Variants in PHLDB2 observed in about 807,000 individuals in gnomAD.
PHLDB2 encodes pleckstrin homology-like domain family B member 2.
Under a neutral mutation model 123.6 loss-of-function variants are expected in PHLDB2, and 71 were observed. The ratio of observed to expected loss-of-function variants is 0.57; its 90% CI spans 0.47 to 0.70. The LOEUF (loss-of-function observed/expected upper bound fraction) is 0.70, where lower values mean the gene tolerates loss of function less well. Ranked by LOEUF, PHLDB2 falls within the 30% of genes least tolerant of loss-of-function variation. The pLI is 0.00. For synonymous variants in PHLDB2, 547 were observed against 541.6 expected, an observed-to-expected ratio of 1.01 and a Z score of -0.14; for missense variants, 1,446 against 1,519.5, an observed-to-expected ratio of 0.95 and a Z score of 0.80.
intron 1 of PHLDB2, among the ~76,000 whole-genome samples, chr3:111,798,630 A>T (rs946570852): frequency 6.6e-6 from 1 of 151,648 alleles, no homozygotes; most frequent in Non-Finnish European, 1.5e-5. Flanking sequence ...GTGAGCTATG[A>T]TCATGCCACT....
intron 9 of PHLDB2, chr3:111,945,565 GTGTGTA>G (rs1215876623): frequency 5.3e-6 from 3 of 566,556 alleles, no homozygotes; most frequent in Non-Finnish European, 9.4e-6. Flanking sequence ...CACATTGTGT[GTGTGTA>G]TGTGTATGTG....
At chr3:111,844,431 C>T (rs564324747) in intron 1 of PHLDB2, among the ~76,000 whole-genome samples, 2 of 152,270 alleles carry the variant, frequency 1.3e-5, no homozygotes, top group East Asian at 1.9e-4. Flanking sequence ...CACCATCATC[C>T]GTCACTTACC....
chr3:111,852,501 C>T lies in PHLDB2; in HGVS notation c.67+6566C>T. 1.3e-5 allele frequency among the ~76,000 whole-genome samples: 2 copies of T among 151,082 alleles called. 1 individual carries two copies. The highest frequency in any genetic ancestry group is 1.3e-4 in the Admixed American group (2 of 15,162). ...AAATTGAAATCAAGGTATGGTATAA[C>T]TGGAGGGATGATGAAAGTCAGATGA... On this transcript the variant is annotated intron_variant, in intron 2 of 17. Coordinates refer to the PHLDB2 transcript ENST00000393923.
At position 111,903,563 on chromosome 3, in the gene PHLDB2, C is replaced by T. The variant is rs137894221; in HGVS notation, c.1336-9756C>T. Among the ~76,000 whole-genome samples the T allele has an allele frequency of 2.6e-3, 395 of 152,238 alleles. 4 individuals carry two copies. Among genetic ancestry groups the T allele is most frequent in the African/African-American group, 8.7e-3 (360 of 41,556 alleles). The stretch of plus-strand genomic sequence containing the variant: ...TTTGGCTGCATAACAACGTATTTTT[C>T]CTGTATTTCCTTTCCCTGAAAATAA... On this transcript the variant is annotated intron_variant, in intron 2 of 17. Coordinates refer to ENST00000431670, the MANE Select transcript of PHLDB2 (RefSeq NM_001134438.2).
intron 1 of PHLDB2, among the ~76,000 whole-genome samples, chr3:111,873,134 G>A (rs2065428047): frequency 6.6e-6 from 1 of 152,122 alleles, no homozygotes; most frequent in Non-Finnish European, 1.5e-5. Flanking sequence ...CTAAGATGTG[G>A]TTTATTATTT....
In PHLDB2 at chr3:111,975,101, A is replaced by T. The variant is rs775466239; in HGVS notation, c.*538A>T. On this transcript the variant is annotated 3_prime_UTR_variant, in exon 18 of 18. Coordinates refer to ENST00000431670, the MANE Select transcript of PHLDB2 (RefSeq NM_001134438.2). ...GTACTGCACCAAAACCAAAGAGCTG[A>T]CCTGACTTCTGTGGAACAGTAGTAA... 1 of 152,640 alleles carries T rather than the reference A, an allele frequency of 6.6e-6. No homozygotes were observed. Among genetic ancestry groups the T allele is most frequent in the African/African-American group, 2.4e-5 (1 of 41,456 alleles). 9.5% of individuals were successfully genotyped at this position (152,640 alleles called of 1,614,324 possible).
chr3:111,879,056 G>C (rs1044015404), intron 1 of PHLDB2, among the ~76,000 whole-genome samples: 4 of 152,172 alleles, frequency 2.6e-5, no homozygotes, highest in African/African-American at 9.7e-5. Context: ...TCAGGATGAT[G>C]CTGGCCTCAT....
chr3:111,911,829 C>T (rs965461423), intron 2 of PHLDB2: 4 of 861,238 alleles, frequency 4.6e-6, no homozygotes, highest in Non-Finnish European at 5.6e-6. Context: ...AAGTCAGATA[C>T]ACCTTAAATA....
At chr3:111,935,881 A>G (rs1559911409) in intron 6 of PHLDB2, among the ~76,000 whole-genome samples, 1 of 152,178 alleles carries the variant, frequency 6.6e-6, no homozygotes. Flanking sequence ...ATCCTCCCAG[A>G]CACACCCAGG....
Position 111,889,960 on chromosome 3 carries a change from T to C in PHLDB2, c.1335+4548T>C, listed in dbSNP as rs554305237. ...TATGGCTTAAGTCCTACAGCTCCAA[T>C]TACAGATCAAAAGTGAACACTAGAA... On this transcript the variant is annotated intron_variant, in intron 2 of 17. Transcript: ENST00000431670. 1.9e-3 allele frequency among the ~76,000 whole-genome samples: 286 copies of C among 152,282 alleles called. 1 individual carries two copies. Among genetic ancestry groups the C allele is most frequent in the African/African-American group, 6.4e-3 (268 of 41,570 alleles).
At chr3:111,898,182 TTGTG>T (rs58183787) in intron 2 of PHLDB2, among the ~76,000 whole-genome samples, 6 of 142,552 alleles carry the variant, frequency 4.2e-5, no homozygotes, top group African/African-American at 8.1e-5. Flanking sequence ...GTGTGTGTGT[TTGTG>T]TGTGTGTGTG....
At chr3:111,764,916 G>A (rs1354192427) in intron 1 of PHLDB2, among the ~76,000 whole-genome samples, 1 of 152,200 alleles carries the variant, frequency 6.6e-6, no homozygotes, top group Non-Finnish European at 1.5e-5. Flanking sequence ...TACTTGCTGA[G>A]TGAGAACTTG....
chr3:111,885,471 C>A (rs772308395), intron 2 of PHLDB2, 59 bp downstream of exon 2: 1 of 1,607,514 alleles, frequency 6.2e-7, no homozygotes, highest in Non-Finnish European at 8.5e-7. Context: ...ATCTACAGGG[C>A]AGCCTTGGAG....
At chr3:111,842,277 A>AT (rs999689995) in intron 1 of PHLDB2, among the ~76,000 whole-genome samples, 2 of 152,032 alleles carry the variant, frequency 1.3e-5, no homozygotes, top group Non-Finnish European at 2.9e-5. Flanking sequence ...TTTAAAGACT[A>AT]TTTTTTGGTT....
chr3:111,973,834 T>A lies in PHLDB2; in HGVS notation c.3621+17T>A, dbSNP rs768069932. ...GCTAATAAGGTAAACATCAGTTTTCTAAATTCCTACAATTTGAATGCATAA... is the reference window on the plus strand; with the variant it reads ...GCTAATAAGGTAAACATCAGTTTTCAAAATTCCTACAATTTGAATGCATAA... On this transcript the variant is annotated intron_variant, in intron 17 of 17. Coordinates refer to ENST00000431670, the MANE Select transcript of PHLDB2 (RefSeq NM_001134438.2). The A allele has an allele frequency of 1.4e-6, 2 of 1,474,874 alleles. No individual in the cohort carries two copies. Among genetic ancestry groups the A allele is most frequent in the South Asian group, 2.5e-5 (2 of 81,378 alleles). 91.4% of individuals were successfully genotyped at this position (1,474,874 alleles called of 1,614,324 possible).
chr3:111,735,233 C>T (rs1434170333), intron 1 of PHLDB2, among the ~76,000 whole-genome samples: 1 of 152,134 alleles, frequency 6.6e-6, no homozygotes, highest in Non-Finnish European at 1.5e-5. Context: ...GCTTAAAGCC[C>T]GAGAAACCAT....
intron 1 of PHLDB2, among the ~76,000 whole-genome samples, chr3:111,811,772 C>T (rs552678846): frequency 6.6e-6 from 1 of 152,232 alleles, no homozygotes; most frequent in East Asian, 1.9e-4. Flanking sequence ...ACATTCCTGA[C>T]CTATCTGCCA....
At position 111,975,498 on chromosome 3, in the gene PHLDB2, C is replaced by T. The variant is rs956525471; in HGVS notation, c.*935C>T. ...TTTTGTTGTGGAGCACACCTGCTAA[C>T]TGCTCCCTCAACATAACTATGAAAT... On this transcript the variant is annotated 3_prime_UTR_variant, in exon 18 of 18. Coordinates refer to ENST00000431670, the MANE Select transcript of PHLDB2 (RefSeq NM_001134438.2). The T allele has an allele frequency of 3.9e-5, 6 of 152,164 alleles. No individual in the cohort carries two copies. The highest frequency in any genetic ancestry group is 2.6e-4 in the Admixed American group (4 of 15,274). The allele number at this position is 152,164 out of a possible 1,614,324, so 9.4% of individuals were successfully genotyped here.
intron 12 of PHLDB2, among the ~76,000 whole-genome samples, chr3:111,959,277 G>A (rs2071245330): frequency 6.6e-6 from 1 of 152,238 alleles, no homozygotes; most frequent in South Asian, 2.1e-4. Context: ...AATTGCAGGG[G>A]TTACCTGTTT....
Sources: allele counts gnomAD v4.1 joint callset (sites outside exome capture counted in the v4.1 genomes callset), GRCh38; gene constraint gnomAD v4.1.1; transcripts MANE v1.5; gene names NCBI Gene and HGNC (gene_info 2026-07-23, HGNC 2026-07-21).